Variants in CBLB observed in about 807,000 individuals in gnomAD.
CBLB encodes the protein E3 ubiquitin-protein ligase CBL-B.
Under a neutral mutation model 104.9 loss-of-function variants are expected in CBLB, and 31 were observed. The observed-to-expected ratio is 0.30, with a 90% confidence interval of 0.22 to 0.40. The LOEUF (loss-of-function observed/expected upper bound fraction) is 0.40. Ranked by LOEUF, CBLB falls within the 10% of genes least tolerant of loss-of-function variation. The pLI is 1.00. For synonymous variants in CBLB, 440 were observed against 422.6 expected, an observed-to-expected ratio of 1.04 and a Z score of -0.51; for missense variants, 1,062 against 1,214.6, an observed-to-expected ratio of 0.87 and a Z score of 1.87.
chr3:105,839,914 CA>C (rs1414675945), intron 3 of CBLB, among the ~76,000 whole-genome samples: 20 of 152,204 alleles, frequency 1.3e-4, no homozygotes, highest in Admixed American at 2.6e-4. Flanking sequence ...AAAAAATTCA[CA>C]CAAAATGTGG....
At chr3:105,830,639 T>G (rs2087357355) in intron 3 of CBLB, among the ~76,000 whole-genome samples, 2 of 152,242 alleles carry the variant, frequency 1.3e-5, no homozygotes, top group Admixed American at 1.3e-4. Flanking sequence ...TTGTAAAGTT[T>G]AAAAACAGTA....
chr3:105,689,512 A>G, intron 13 of CBLB, among the ~76,000 whole-genome samples: 1 of 146,960 alleles, frequency 6.8e-6, no homozygotes. Flanking sequence ...AAAATTCTTA[A>G]AAAAAAAAAA....
intron 4 of CBLB, among the ~76,000 whole-genome samples, chr3:105,770,744 T>G (rs1306121806): frequency 6.6e-6 from 1 of 152,128 alleles, no homozygotes; most frequent in African/African-American, 2.4e-5. Flanking sequence ...GCTTATGACC[T>G]GGGGCAGGTC....
chr3:105,751,396 G>A (rs1576870265), intron 5 of CBLB, 66 bp downstream of exon 5: 2 of 1,122,390 alleles, frequency 1.8e-6, no homozygotes, highest in East Asian at 2.5e-5. Flanking sequence ...GAGAGAGAGA[G>A]AAACAGAGAG....
rs569074833 is a variant in CBLB at position 105,714,264 on chromosome 3, A to C, written c.1407+5783T>G. On this transcript the variant is annotated intron_variant, in intron 10 of 18. Coordinates refer to ENST00000394030, the MANE Select transcript of CBLB (RefSeq NM_170662.5). ...TGGCACCAGGGACTGGTTTCGTAGA[A>C]GACATTTTTTCCACGAACGGTGGCA... is the stretch of plus-strand genomic sequence containing the variant. Among the ~76,000 whole-genome samples the C allele has an allele frequency of 2.6e-5, 4 of 152,304 alleles. No individual in the cohort carries two copies. In the South Asian group the frequency reaches 6.2e-4, roughly 24 times the overall value.
At chr3:105,749,146 CAG>C (rs2076377329) in intron 5 of CBLB, among the ~76,000 whole-genome samples, 1 of 152,032 alleles carries the variant, frequency 6.6e-6, no homozygotes, top group Non-Finnish European at 1.5e-5. Context: ...TCTCTATAAA[CAG>C]AATCAATTTT....
intron 3 of CBLB, among the ~76,000 whole-genome samples, chr3:105,798,382 G>C (rs999255285): frequency 2.6e-5 from 4 of 152,048 alleles, no homozygotes; most frequent in Non-Finnish European, 5.9e-5. Flanking sequence ...TTTGAAATAA[G>C]ACAGAAACAC....
At chr3:105,776,002 A>G (rs1407563381) in intron 4 of CBLB, among the ~76,000 whole-genome samples, 2 of 152,130 alleles carry the variant, frequency 1.3e-5, no homozygotes, top group Non-Finnish European at 2.9e-5. Context: ...ATTCCCTTCT[A>G]AATTGTCACA....
rs370735946 is a variant in CBLB at position 105,805,220 on chromosome 3, T to C, written c.420-28678A>G. Among the ~76,000 whole-genome samples the C allele has an allele frequency of 9.2e-5, 14 of 152,260 alleles. No individual in the cohort carries two copies. In the South Asian group the frequency reaches 2.9e-3, roughly 32 times the overall value. On this transcript the variant is annotated intron_variant, in intron 3 of 18. Coordinates refer to ENST00000394030, the MANE Select transcript of CBLB (RefSeq NM_170662.5). ...TTTATAAAGTTCGCATTTCTGAGCA[T>C]GACATTCATTCTCTCCAGGCCAAAC...
chr3:105,753,576 T>C (rs1170470053), intron 4 of CBLB, among the ~76,000 whole-genome samples: 1 of 152,166 alleles, frequency 6.6e-6, no homozygotes, highest in Non-Finnish European at 1.5e-5. Context: ...AAAAAAAATA[T>C]GATCAGGGAA....
In CBLB at chr3:105,821,310, T is replaced by G. The variant is rs929341160; in HGVS notation, c.419+32104A>C. On this transcript the variant is annotated intron_variant, in intron 3 of 18. Coordinates refer to ENST00000394030, the MANE Select transcript of CBLB (RefSeq NM_170662.5). ...TATCTATCACCTACTATTCAAATGGTGATATAACTGCCTAAGAGATCCATA... is the reference window on the plus strand; with the variant it reads ...TATCTATCACCTACTATTCAAATGGGGATATAACTGCCTAAGAGATCCATA... Among the ~76,000 whole-genome samples the G allele has an allele frequency of 4.9e-4, 73 of 149,792 alleles. 1 individual carries two copies. Among genetic ancestry groups the G allele is most frequent in the Admixed American group, 2.1e-3 (31 of 14,974 alleles).
intron 2 of CBLB, among the ~76,000 whole-genome samples, chr3:105,856,590 AT>A (rs548903442): frequency 3.0e-4 from 45 of 150,828 alleles, no homozygotes; most frequent in Non-Finnish European, 6.1e-4. Context: ...GTTGACTGCT[AT>A]TTTTTTTTCA....
At chr3:105,779,545 C>T (rs750210964) in intron 3 of CBLB, among the ~76,000 whole-genome samples, 1 of 151,796 alleles carries the variant, frequency 6.6e-6, no homozygotes, top group Non-Finnish European at 1.5e-5. Context: ...TTACTTTATA[C>T]TTATACACTC....
intron 6 of CBLB, among the ~76,000 whole-genome samples, 166 bp downstream of exon 6, chr3:105,745,751 A>G (rs1396581284): frequency 6.6e-6 from 1 of 152,222 alleles, no homozygotes; most frequent in Non-Finnish European, 1.5e-5. Flanking sequence ...AGCACAATGT[A>G]TCAATTTAAA....
chr3:105,799,821 G>A lies in CBLB; in HGVS notation c.420-23279C>T, dbSNP rs556775795. Among the ~76,000 whole-genome samples, 145 of 152,278 alleles carry A rather than the reference G, an allele frequency of 9.5e-4. 1 individual carries two copies. The highest frequency in any genetic ancestry group is 3.1e-3 in the African/African-American group (130 of 41,558). On this transcript the variant is annotated intron_variant, in intron 3 of 18. Coordinates refer to ENST00000394030, the MANE Select transcript of CBLB (RefSeq NM_170662.5). ...ATTTGCTTCTAGAAAATGTGGACAAGTTATAGGATACATGAACGTTTCTAA... is the reference window on the plus strand; with the variant it reads ...ATTTGCTTCTAGAAAATGTGGACAAATTATAGGATACATGAACGTTTCTAA...
intron 3 of CBLB, among the ~76,000 whole-genome samples, chr3:105,788,020 G>A (rs962600107): frequency 6.6e-6 from 1 of 152,104 alleles, no homozygotes; most frequent in African/African-American, 2.4e-5. Flanking sequence ...GAAACTTATG[G>A]TTTAAGAAGC....
chr3:105,789,613 T>C (rs1317024206), intron 3 of CBLB, among the ~76,000 whole-genome samples: 6 of 152,162 alleles, frequency 3.9e-5, no homozygotes, highest in Non-Finnish European at 8.8e-5. Flanking sequence ...TTCTACAAGT[T>C]TTAAGTTCTC....
Position 105,804,546 on chromosome 3 carries a change from C to T in CBLB, c.420-28004G>A, listed in dbSNP as rs187964355. Among the ~76,000 whole-genome samples the T allele has an allele frequency of 3.0e-3, 459 of 151,718 alleles. 3 individuals are homozygous for T. In the Middle Eastern group the frequency reaches 0.031, roughly 10 times the overall value. ...AAAAAAAAAAAAATGTAAAATATCT[C>T]ATTAAGAATTTGTTATAATGAATAC... On this transcript the variant is annotated intron_variant, in intron 3 of 18. Transcript: ENST00000394030.
intron 16 of CBLB, among the ~76,000 whole-genome samples, chr3:105,679,606 T>C (rs1049383016): frequency 5.3e-5 from 8 of 152,014 alleles, no homozygotes; most frequent in East Asian, 3.9e-4. Flanking sequence ...TGAAACCCCA[T>C]GTCTGCTAAA....
Sources: allele counts gnomAD v4.1 joint callset (sites outside exome capture counted in the v4.1 genomes callset), GRCh38; gene constraint gnomAD v4.1.1; transcripts MANE v1.5; gene names NCBI Gene and HGNC (gene_info 2026-07-23, HGNC 2026-07-21).